Variants in SLC4A4 observed in about 807,000 individuals in gnomAD.
SLC4A4 encodes the protein electrogenic sodium bicarbonate cotransporter 1.
SLC4A4 carries 27 observed loss-of-function variants against 111.5 expected under a neutral mutation model. That is an observed-to-expected ratio of 0.24 (90% confidence interval 0.18 to 0.33). The LOEUF (loss-of-function observed/expected upper bound fraction) is 0.33, where lower values mean the gene tolerates loss of function less well. SLC4A4 is among the 10% of genes least tolerant of loss of function. The pLI, the probability that SLC4A4 is intolerant of heterozygous loss-of-function variation, is 1.00. For missense variants in SLC4A4, 909 were observed against 1,315.5 expected, an observed-to-expected ratio of 0.69 and a Z score of 4.78; for synonymous variants, 443 against 463.4, an observed-to-expected ratio of 0.96 and a Z score of 0.57.
intron 3 of SLC4A4, among the ~76,000 whole-genome samples, chr4:71,315,520 A>G (rs2148860634): frequency 6.6e-6 from 1 of 152,232 alleles, no homozygotes; most frequent in Admixed American, 6.5e-5. Flanking sequence ...ACTGATGTGG[A>G]CCTTTTTCAA....
At chr4:71,190,460 T>A (rs1412253587) in intron 1 of SLC4A4, among the ~76,000 whole-genome samples, 1 of 151,684 alleles carries the variant, frequency 6.6e-6, no homozygotes, top group Non-Finnish European at 1.5e-5. Flanking sequence ...GGTGGCTGAT[T>A]TAATTTTGTC....
intron 20 of SLC4A4, 131 bp downstream of exon 20, chr4:71,547,851 A>T (rs923857847): frequency 5.2e-5 from 41 of 791,052 alleles, no homozygotes; most frequent in Non-Finnish European, 8.3e-5. Flanking sequence ...AGCAGGGGTC[A>T]AGTAGAAAGA....
intron 17 of SLC4A4, 80 bp downstream of exon 17, chr4:71,532,255 T>C: frequency 1.2e-6 from 1 of 865,360 alleles, no homozygotes. Context: ...TGTGTTTCTC[T>C]TTGAGTTAGT....
intron 1 of SLC4A4, among the ~76,000 whole-genome samples, chr4:71,070,889 A>G (rs1016596993): frequency 3.3e-5 from 5 of 152,210 alleles, no homozygotes; most frequent in Non-Finnish European, 5.9e-5. Context: ...AAAAAATACT[A>G]TCAGGTTTGT....
intron 5 of SLC4A4, among the ~76,000 whole-genome samples, chr4:71,351,135 C>A (rs1729789099): frequency 6.6e-6 from 1 of 152,184 alleles, no homozygotes; most frequent in South Asian, 2.1e-4. Context: ...ACAAAGGAAG[C>A]CAAAGCTGCC....
intron 16 of SLC4A4, 79 bp downstream of exon 16, chr4:71,497,771 G>A: frequency 1.6e-6 from 2 of 1,217,220 alleles, no homozygotes; most frequent in East Asian, 2.3e-5. Context: ...GGTGAAAAAG[G>A]CACCTGTAAT....
At chr4:71,553,422 A>G (rs1736206409) in intron 20 of SLC4A4, among the ~76,000 whole-genome samples, 1 of 151,870 alleles carries the variant, frequency 6.6e-6, no homozygotes, top group South Asian at 2.1e-4. Context: ...TAGCTGAGGG[A>G]TGAGGATGAG....
intron 7 of SLC4A4, among the ~76,000 whole-genome samples, chr4:71,424,382 C>T (rs1174138236): frequency 1.3e-5 from 2 of 151,568 alleles, no homozygotes; most frequent in Non-Finnish European, 3.0e-5. Flanking sequence ...AACACTTTTA[C>T]ACTGTTGGTG....
chr4:71,236,584 A>G lies in SLC4A4; in HGVS notation c.8A>G (p.Asp3Gly). 1.2e-6 allele frequency: 2 copies of G among 1,613,532 alleles called. No individual in the cohort carries two copies. Among genetic ancestry groups the G allele is most frequent in the Non-Finnish European group, 1.7e-6 (2 of 1,179,548 alleles). ...CTTTTTTATTACTATAGGATGGAGG[A>G]TGAAGCTGTCCTGGACAGAGGGGCT... ME[D>G]EAVLDRGASF... The change falls in exon 2 of 26, where the codon GAT (aspartate) becomes GGT (glycine). Residue 3 changes from aspartate to glycine, a missense_variant. Physicochemically the swap from Asp to Gly is moderately conservative, Grantham distance 94. Coordinates refer to ENST00000264485, the MANE Select transcript of SLC4A4 (RefSeq NM_001098484.3).
chr4:71,299,960 T>A (rs1358030750), intron 3 of SLC4A4, among the ~76,000 whole-genome samples: 1 of 152,030 alleles, frequency 6.6e-6, no homozygotes, highest in Non-Finnish European at 1.5e-5. Flanking sequence ...AGGGATAGGA[T>A]CATTTCTCAG....
At chr4:71,099,968 AC>A (rs1270272998) in intron 2 of SLC4A4, among the ~76,000 whole-genome samples, 1 of 152,168 alleles carries the variant, frequency 6.6e-6, no homozygotes, top group African/African-American at 2.4e-5. Context: ...TAAGTAGGCT[AC>A]CAACCAAAAG....
chr4:71,182,853 G>A (rs1203833073), upstream of SLC4A4, among the ~76,000 whole-genome samples: 1 of 151,936 alleles, frequency 6.6e-6, no homozygotes, highest in Non-Finnish European at 1.5e-5. Context: ...TTTAAATCAG[G>A]GGCCTGGGTT....
At chr4:71,442,062 T>C (rs1267620491) in intron 8 of SLC4A4, among the ~76,000 whole-genome samples, 6 of 152,156 alleles carry the variant, frequency 3.9e-5, no homozygotes, top group African/African-American at 1.4e-4. Context: ...CTAGACTAAC[T>C]TTACTAGGGG....
At chr4:71,314,681 A>C (rs940840633) in intron 3 of SLC4A4, among the ~76,000 whole-genome samples, 2 of 152,126 alleles carry the variant, frequency 1.3e-5, no homozygotes, top group African/African-American at 4.8e-5. Context: ...AAGACCCAAC[A>C]CTGCATATTT....
At chr4:71,126,086 T>A (rs750014964) in intron 2 of SLC4A4, among the ~76,000 whole-genome samples, 6 of 152,220 alleles carry the variant, frequency 3.9e-5, no homozygotes, top group African/African-American at 7.2e-5. Context: ...TCATCAAAAT[T>A]TGTTTTTTAT....
At chr4:71,178,383 C>G (rs1378405788) in intron 2 of SLC4A4, among the ~76,000 whole-genome samples, 1 of 149,984 alleles carries the variant, frequency 6.7e-6, no homozygotes, top group South Asian at 2.1e-4. Context: ...AACAGAGACA[C>G]AAAAATCCCT....
Position 71,138,188 on chromosome 4 carries a change from T to A in SLC4A4, c.-2+45396T>A, listed in dbSNP as rs1041213459. On this transcript the variant is annotated intron_variant, in intron 2 of 26. Transcript: ENST00000649996. ...ATTCACTACTTTGAATAAAACACAG[T>A]CAGAGGGGTCAATAAGTGAACTCTT... Among the ~76,000 whole-genome samples the A allele has an allele frequency of 2.6e-5, 4 of 152,170 alleles. No individual in the cohort carries two copies. The East Asian group carries it at 7.7e-4, about 29-fold the overall frequency.
chr4:71,374,087 T>C (rs549323691), intron 6 of SLC4A4, among the ~76,000 whole-genome samples: 4 of 152,328 alleles, frequency 2.6e-5, no homozygotes, highest in African/African-American at 7.2e-5. Flanking sequence ...TGCTTTGTTA[T>C]CACACTCTTA....
intron 7 of SLC4A4, among the ~76,000 whole-genome samples, chr4:71,408,089 C>T (rs944866808): frequency 1.3e-5 from 2 of 152,154 alleles, no homozygotes; most frequent in African/African-American, 4.8e-5. Flanking sequence ...AAGATATAAA[C>T]TTACAATCTG....
Sources: gnomAD v4.1 joint callset for allele counts (sites outside exome capture counted in the v4.1 genomes callset) on GRCh38, gnomAD v4.1.1 for gene constraint, MANE v1.5 for transcripts, NCBI Gene and HGNC (gene_info 2026-07-23, HGNC 2026-07-21) for gene names.